The following PXDNL variants were observed in gnomAD, a reference collection of about 807,000 sequenced individuals.
The protein encoded by PXDNL is probable oxidoreductase PXDNL.
A neutral mutation model predicts 150.8 loss-of-function variants in PXDNL; 145 were observed. That is an observed-to-expected ratio of 0.96 (90% confidence interval 0.84 to 1.10). The LOEUF (loss-of-function observed/expected upper bound fraction) is 1.10. PXDNL is among the 50% of genes least tolerant of loss of function. PXDNL has a pLI of 0.00. For synonymous variants in PXDNL, 757 were observed against 725.7 expected, an observed-to-expected ratio of 1.04 and a Z score of -0.69; for missense variants, 2,087 against 1,873.9, an observed-to-expected ratio of 1.11 and a Z score of -2.10.
chr8:51,600,615 AATT>A (rs1431328100), intron 2 of PXDNL, among the ~76,000 whole-genome samples: 1 of 137,078 alleles, frequency 7.3e-6, no homozygotes, highest in Non-Finnish European at 1.5e-5. Context: ...TTAGATAATA[AATT>A]ATATCTTATA....
chr8:51,374,068 C>A (rs970752113), intron 18 of PXDNL, among the ~76,000 whole-genome samples: 1 of 152,180 alleles, frequency 6.6e-6, no homozygotes, highest in Non-Finnish European at 1.5e-5. Flanking sequence ...AGTTATCTTT[C>A]CACTCGTAAA....
intron 1 of PXDNL, among the ~76,000 whole-genome samples, chr8:51,740,170 G>T (rs533297083): frequency 6.6e-6 from 1 of 152,190 alleles, no homozygotes; most frequent in East Asian, 1.9e-4. Context: ...ATTTAACAAG[G>T]TTCTTCTTCT....
intron 12 of PXDNL, among the ~76,000 whole-genome samples, chr8:51,429,222 A>T (rs1286947144): frequency 6.6e-6 from 1 of 152,172 alleles, no homozygotes; most frequent in Non-Finnish European, 1.5e-5. Context: ...TTACTCATAC[A>T]TTGTTGGTGG....
chr8:51,407,856 A>G (rs1026809719), intron 17 of PXDNL, among the ~76,000 whole-genome samples: 1 of 152,290 alleles, frequency 6.6e-6, no homozygotes, highest in African/African-American at 2.4e-5. Context: ...CAATATTTGC[A>G]TTTCCAAGGA....
At chr8:51,640,591 A>T (rs567105042) in intron 2 of PXDNL, among the ~76,000 whole-genome samples, 1 of 152,210 alleles carries the variant, frequency 6.6e-6, no homozygotes, top group African/African-American at 2.4e-5. Flanking sequence ...TCATGAGTGA[A>T]CTCCCATTCA....
intron 5 of PXDNL, among the ~76,000 whole-genome samples, chr8:51,488,024 C>A (rs10102562): frequency 0.24 from 36,027 of 152,048 alleles, 5,153 homozygotes; most frequent in African/African-American, 0.4. Flanking sequence ...AATTTTAGCA[C>A]TAAAAAATAT....
intron 1 of PXDNL, among the ~76,000 whole-genome samples, chr8:51,671,678 C>T (rs898072893): frequency 3.3e-5 from 5 of 152,146 alleles, no homozygotes; most frequent in Non-Finnish European, 5.9e-5. Flanking sequence ...ACTGTGGCCC[C>T]AGACCAGCTC....
At chr8:51,348,490 T>C (rs1391053378) in intron 19 of PXDNL, among the ~76,000 whole-genome samples, 1 of 152,224 alleles carries the variant, frequency 6.6e-6, no homozygotes, top group African/African-American at 2.4e-5. Context: ...TCGTTATTTA[T>C]TCCTGGATAC....
In PXDNL at chr8:51,449,018, A is replaced by C. The variant is rs1311406275; in HGVS notation, c.1350T>G (p.Ile450Met). 10 of 1,543,090 alleles carry C rather than the reference A, an allele frequency of 6.5e-6. No homozygotes were observed. Among genetic ancestry groups the C allele is most frequent in the Middle Eastern group, 1.7e-4 (1 of 5,974 alleles). ...TTCTAATACCTGTTTTTGTCCAGACAATAACAGGAGGTGGGTTGCCGTCAG... is the reference window on the plus strand; with the variant it reads ...TTCTAATACCTGTTTTTGTCCAGACCATAACAGGAGGTGGGTTGCCGTCAG... ...CEADGNPPPV[I>M]VWTKTGGQLP... Residue 450 changes from isoleucine to methionine, a missense_variant, in exon 11 of 23, where the codon ATT (isoleucine) becomes ATG (methionine). Transcript: ENST00000356297.
At chr8:51,751,256 T>C (rs2037043049) in intron 1 of PXDNL, among the ~76,000 whole-genome samples, 1 of 152,186 alleles carries the variant, frequency 6.6e-6, no homozygotes, top group African/African-American at 2.4e-5. Flanking sequence ...TCAAAATTAC[T>C]GATAAAATAT....
At chr8:51,763,097 T>C (rs11786167) in intron 1 of PXDNL, among the ~76,000 whole-genome samples, 17,124 of 152,082 alleles carry the variant, frequency 0.11, 1,155 homozygotes, top group Middle Eastern at 0.15. Context: ...AATTCCCCCA[T>C]TATCCCTTAT....
intron 3 of PXDNL, among the ~76,000 whole-genome samples, chr8:51,582,152 ACT>A (rs1813224243): frequency 6.6e-6 from 1 of 152,166 alleles, no homozygotes; most frequent in African/African-American, 2.4e-5. Flanking sequence ...TGGAGATAGG[ACT>A]TTTATAAAAT....
chr8:51,396,222 T>C (rs1355596067), intron 17 of PXDNL, among the ~76,000 whole-genome samples: 2 of 152,240 alleles, frequency 1.3e-5, no homozygotes, highest in African/African-American at 4.8e-5. Context: ...GTGATTTGGA[T>C]GGATGGCTAA....
At chr8:51,643,591 T>G (rs963592323) in intron 2 of PXDNL, among the ~76,000 whole-genome samples, 1 of 152,136 alleles carries the variant, frequency 6.6e-6, no homozygotes, top group Non-Finnish European at 1.5e-5. Flanking sequence ...ATAAAAACCC[T>G]AGAACAAAAC....
At chr8:51,588,654 A>G (rs1269501738) in intron 3 of PXDNL, among the ~76,000 whole-genome samples, 1 of 152,196 alleles carries the variant, frequency 6.6e-6, no homozygotes, top group Non-Finnish European at 1.5e-5. Context: ...GCTAGTAATG[A>G]GATTCCTTCT....
chr8:51,324,413 G>A (rs1805422975), intron 21 of PXDNL, among the ~76,000 whole-genome samples: 1 of 152,108 alleles, frequency 6.6e-6, no homozygotes, highest in African/African-American at 2.4e-5. Flanking sequence ...GCATGTAAAT[G>A]GCAGGGTAAT....
intron 4 of PXDNL, among the ~76,000 whole-genome samples, chr8:51,533,650 G>A (rs1811965036): frequency 6.7e-6 from 1 of 148,866 alleles, no homozygotes; most frequent in Non-Finnish European, 1.5e-5. Flanking sequence ...CGCCTGACTG[G>A]TTTTCGTTTT....
chr8:51,579,440 G>T (rs901167491), intron 3 of PXDNL, among the ~76,000 whole-genome samples: 1 of 151,962 alleles, frequency 6.6e-6, no homozygotes, highest in South Asian at 2.1e-4. Flanking sequence ...TAAAAATAGT[G>T]ACAATGCAAA....
At chr8:51,434,453 C>A (rs1809340515) in intron 12 of PXDNL, among the ~76,000 whole-genome samples, 1 of 152,202 alleles carries the variant, frequency 6.6e-6, no homozygotes, top group East Asian at 1.9e-4. Context: ...ATATTTACTT[C>A]ATTTTTTCCC....
Sources: gnomAD v4.1 joint callset for allele counts (sites outside exome capture counted in the v4.1 genomes callset) on GRCh38, gnomAD v4.1.1 for gene constraint, MANE v1.5 for transcripts, NCBI Gene and HGNC (gene_info 2026-07-23, HGNC 2026-07-21) for gene names.